CADM2: variants seen among roughly 807,000 people sequenced by gnomAD.
CADM2 encodes the protein cell adhesion molecule 2.
In CADM2, 12 loss-of-function variants were observed where a neutral mutation model predicts 49.8. The observed-to-expected ratio is 0.24, with a 90% CI of 0.15 to 0.39. The LOEUF (loss-of-function observed/expected upper bound fraction) is 0.39, where lower values mean the gene tolerates loss of function less well. Among genes scored for constraint, CADM2 ranks in the 10% least tolerant of loss-of-function variants. The pLI, the probability that CADM2 is intolerant of heterozygous loss-of-function variation, is 1.00. For synonymous variants in CADM2, 214 were observed against 175.4 expected, an observed-to-expected ratio of 1.22 and a Z score of -1.74; for missense variants, 378 against 492.3, an observed-to-expected ratio of 0.77 and a Z score of 2.20.
intron 2 of CADM2, among the ~76,000 whole-genome samples, chr3:85,788,665 T>C (rs970082253): frequency 1.3e-5 from 2 of 152,002 alleles, no homozygotes; most frequent in African/African-American, 4.8e-5. Flanking sequence ...ACAATTGATT[T>C]GAGTTTGAAT....
intron 1 of CADM2, among the ~76,000 whole-genome samples, chr3:85,071,598 G>T (rs1423963967): frequency 6.6e-6 from 1 of 152,020 alleles, no homozygotes; most frequent in Non-Finnish European, 1.5e-5. Context: ...CTCATAGGTG[G>T]TCTTGAGTTT....
chr3:85,054,347 T>C (rs2035995094), intron 1 of CADM2, among the ~76,000 whole-genome samples: 1 of 151,830 alleles, frequency 6.6e-6, no homozygotes, highest in Admixed American at 6.6e-5. Flanking sequence ...AGGAAAAATA[T>C]AAGGCTTATA....
chr3:85,216,644 T>C (rs569927814), intron 1 of CADM2, among the ~76,000 whole-genome samples: 1 of 152,156 alleles, frequency 6.6e-6, no homozygotes, highest in Non-Finnish European at 1.5e-5. Context: ...TTGCTCTGGC[T>C]GTTGTTTCAG....
At chr3:85,708,666 G>T (rs1431781861) in intron 1 of CADM2, among the ~76,000 whole-genome samples, 1 of 152,070 alleles carries the variant, frequency 6.6e-6, no homozygotes, top group Non-Finnish European at 1.5e-5. Context: ...AAATAAAAAT[G>T]AATCCACAAA....
chr3:85,808,935 C>A (rs2072634724), intron 3 of CADM2, among the ~76,000 whole-genome samples: 7 of 152,280 alleles, frequency 4.6e-5, no homozygotes, highest in Admixed American at 4.6e-4. Flanking sequence ...GGTACAGGTT[C>A]TCCTGGCTCT....
chr3:85,592,931 A>G (rs751582392), intron 1 of CADM2, among the ~76,000 whole-genome samples: 6 of 151,780 alleles, frequency 4.0e-5, no homozygotes, highest in Non-Finnish European at 7.4e-5. Context: ...TTCAATTCCC[A>G]CTTATGATTG....
intron 2 of CADM2, among the ~76,000 whole-genome samples, chr3:85,785,645 C>A (rs1179179398): frequency 6.6e-6 from 1 of 151,982 alleles, no homozygotes; most frequent in Non-Finnish European, 1.5e-5. Context: ...GGCCCTGGGA[C>A]TCCTTGAAAT....
chr3:85,246,682 T>A (rs1343203380), intron 1 of CADM2, among the ~76,000 whole-genome samples: 1 of 151,608 alleles, frequency 6.6e-6, no homozygotes, highest in Non-Finnish European at 1.5e-5. Flanking sequence ...GTACATAGAT[T>A]TCAAAAACAC....
At chr3:84,986,547 T>C (rs959598779) in intron 1 of CADM2, among the ~76,000 whole-genome samples, 1 of 151,502 alleles carries the variant, frequency 6.6e-6, no homozygotes, top group Non-Finnish European at 1.5e-5. Flanking sequence ...ATAAAAAACT[T>C]CCTACCCAGA....
intron 1 of CADM2, among the ~76,000 whole-genome samples, chr3:85,447,880 G>A (rs1164696622): frequency 6.6e-6 from 1 of 152,118 alleles, no homozygotes; most frequent in Non-Finnish European, 1.5e-5. Context: ...GTTTTTGACA[G>A]TGCAATAATG....
intron 1 of CADM2, among the ~76,000 whole-genome samples, chr3:85,511,337 A>G (rs1194516371): frequency 6.6e-6 from 1 of 152,122 alleles, no homozygotes; most frequent in Non-Finnish European, 1.5e-5. Flanking sequence ...CCACAGACCT[A>G]TACTTGTGCT....
intron 1 of CADM2, among the ~76,000 whole-genome samples, chr3:85,496,688 A>G (rs2039916239): frequency 6.6e-6 from 1 of 152,244 alleles, no homozygotes; most frequent in South Asian, 2.1e-4. Context: ...TTTTCTCCAC[A>G]GGCTTACCTG....
chr3:85,242,864 T>C (rs1303466289), intron 1 of CADM2, among the ~76,000 whole-genome samples: 2 of 151,852 alleles, frequency 1.3e-5, no homozygotes. Flanking sequence ...ATTACAACTC[T>C]TGTTCAAAAG....
At chr3:85,529,372 T>A (rs2061243780) in intron 1 of CADM2, among the ~76,000 whole-genome samples, 2 of 152,174 alleles carry the variant, frequency 1.3e-5, no homozygotes, top group South Asian at 4.1e-4. Context: ...AAGGTGACAT[T>A]TGGATACATG....
intron 8 of CADM2, among the ~76,000 whole-genome samples, chr3:86,005,866 G>A (rs1019202498): frequency 2.6e-5 from 4 of 151,774 alleles, no homozygotes; most frequent in African/African-American, 7.3e-5. Flanking sequence ...GCAACCCCCC[G>A]ACAGGACCCT....
chr3:85,319,618 A>T (rs2044551428), intron 1 of CADM2, among the ~76,000 whole-genome samples: 1 of 152,250 alleles, frequency 6.6e-6, no homozygotes, highest in Non-Finnish European at 1.5e-5. Flanking sequence ...CAGCCATAAA[A>T]AAATGAGATC....
intron 1 of CADM2, among the ~76,000 whole-genome samples, chr3:85,581,429 T>A (rs2062793085): frequency 6.9e-6 from 1 of 144,918 alleles, no homozygotes; most frequent in Non-Finnish European, 1.6e-5. Context: ...GTCAAGGTTG[T>A]TTCAAGAAAA....
At chr3:86,052,789 GTATGCT>G (rs781068742) in intron 8 of CADM2, among the ~76,000 whole-genome samples, 5 of 152,028 alleles carry the variant, frequency 3.3e-5, no homozygotes, top group Admixed American at 6.6e-5. Context: ...CAAATTTTCT[GTATGCT>G]TAAATAGAAA....
chr3:85,311,698 G>T (rs1025222946), intron 1 of CADM2, among the ~76,000 whole-genome samples: 4 of 151,946 alleles, frequency 2.6e-5, no homozygotes. Context: ...TTTTAAAGTT[G>T]GGACTTATCA....
Sources: gnomAD v4.1 joint callset for allele counts (sites outside exome capture counted in the v4.1 genomes callset) on GRCh38, gnomAD v4.1.1 for gene constraint, MANE v1.5 for transcripts, NCBI Gene and HGNC (gene_info 2026-07-23, HGNC 2026-07-21) for gene names.